Variants in CFAP46 observed in about 807,000 individuals in gnomAD.
CFAP46 encodes the protein cilia- and flagella-associated protein 46.
Under a neutral mutation model 325.7 loss-of-function variants are expected in CFAP46, and 245 were observed. The ratio of observed to expected loss-of-function variants is 0.75; its 90% CI spans 0.68 to 0.84. CFAP46 has a LOEUF of 0.84. Among genes scored for constraint, CFAP46 ranks in the 40% least tolerant of loss-of-function variants. The pLI is 0.00. For missense variants in CFAP46, 3,346 were observed against 3,543.0 expected, an observed-to-expected ratio of 0.94 and a Z score of 1.41; for synonymous variants, 1,523 against 1,495.9, an observed-to-expected ratio of 1.02 and a Z score of -0.42.
chr10:132,843,119 G>A (rs149272811), intron 44 of CFAP46, among the ~76,000 whole-genome samples: 3 of 152,308 alleles, frequency 2.0e-5, no homozygotes, highest in East Asian at 1.9e-4. Flanking sequence ...ACCTTGGGCT[G>A]CATTCACTTT....
At chr10:132,821,286 A>C (rs62647716) in intron 50 of CFAP46, among the ~76,000 whole-genome samples, 57 of 92,400 alleles carry the variant, frequency 6.2e-4, no homozygotes, top group African/African-American at 2.5e-3. Context: ...GTGAGTGCTG[A>C]TGTGTGCTGT....
intron 9 of CFAP46, 117 bp downstream of exon 9, chr10:132,929,588 G>A (rs374862506): frequency 3.9e-5 from 38 of 963,486 alleles, no homozygotes; most frequent in African/African-American, 1.1e-4. Flanking sequence ...TGCCAACCAC[G>A]GACCGAAGCC....
In CFAP46 at chr10:132,908,584, C is replaced by A. The variant is rs1484923183; in HGVS notation, c.2808G>T (p.Leu936=). 6.5e-7 allele frequency: 1 copy of A among 1,549,910 alleles called. No homozygotes were observed. The highest frequency in any genetic ancestry group is 8.7e-7 in the Non-Finnish European group (1 of 1,146,654). The change falls in exon 22 of 58, where the codon CTG becomes CTT. Residue 936 remains leucine, a synonymous_variant. Transcript: ENST00000368586. ...AGTGGGTCAGCCGCGTCAGGGTCTGCAGCTCCACCAGGGGGTCCGACCAGT... is the reference window on the plus strand; with the variant it reads ...AGTGGGTCAGCCGCGTCAGGGTCTGAAGCTCCACCAGGGGGTCCGACCAGT... The part of the protein sequence containing the change: ...ECNWSDPLVE[L]QTLTRLTHFA...
chr10:132,825,580 A>C lies in CFAP46; in HGVS notation c.7117+7778T>G, dbSNP rs188947375. 6.6e-5 allele frequency among the ~76,000 whole-genome samples: 10 copies of C among 152,368 alleles called. No individual in the cohort carries two copies. In the East Asian group the frequency reaches 1.9e-3, roughly 29 times the overall value. The stretch of plus-strand genomic sequence containing the variant: ...GTCACACCTCAACAAAGTGGCTTAG[A>C]AAACATGCTAAAAGCACCAGCTATT... On this transcript the variant is annotated intron_variant, in intron 50 of 57. Transcript: ENST00000368586.
At chr10:132,848,619 GC>G (rs1225205780) in intron 41 of CFAP46, among the ~76,000 whole-genome samples, 3 of 152,222 alleles carry the variant, frequency 2.0e-5, no homozygotes, top group African/African-American at 7.2e-5. Context: ...TGCGCTTTGT[GC>G]TCCCTAAAGA....
chr10:132,884,997 T>C lies in CFAP46; in HGVS notation c.3627+106A>G. The C allele has an allele frequency of 8.1e-7, 1 of 1,234,550 alleles. No homozygotes were observed. The highest frequency in any genetic ancestry group is 2.6e-5 in the East Asian group (1 of 38,602). 76.5% of individuals were successfully genotyped at this position (1,234,550 alleles called of 1,614,324 possible). ...CTGTGCCCGTCAGCTGTGGCTGCTC[T>C]GCGTGCTGCCCCACACCAGGTCCCT... On this transcript the variant is annotated intron_variant, in intron 27 of 57. Transcript: ENST00000368586. The surrounding 1 kb of genome is among the most constrained non-coding windows in gnomAD (Gnocchi z 5.4).
chr10:132,815,522 G>C (rs150942076), intron 50 of CFAP46, among the ~76,000 whole-genome samples: 1 of 152,234 alleles, frequency 6.6e-6, no homozygotes, highest in Non-Finnish European at 1.5e-5. Flanking sequence ...GGGGCATTGC[G>C]TTTGGTTCCT....
rs1463795846 is a variant in CFAP46 at position 132,937,573 on chromosome 10, G to GT, written c.638dup (p.Tyr213Ter). 1 of 1,613,564 alleles carries GT rather than the reference G, an allele frequency of 6.2e-7. No individual in the cohort carries two copies. The highest frequency in any genetic ancestry group is 1.1e-5 in the South Asian group (1 of 91,064). ...PFIKSHVPQK[Y>*]RQIFSVMVRH... ...TTACCATAACAGAGAATATCTGCCGGTATTTCTGTGGCACGTGAGACTTAA... is the reference window on the plus strand; with the variant it reads ...TTACCATAACAGAGAATATCTGCCGGTTATTTCTGTGGCACGTGAGACTTAA... The change falls in exon 6 of 58, where the codon TAC (tyrosine) becomes TAAC (stop). Residue 213 changes from tyrosine to a stop codon, truncating the protein, a stop_gained and frameshift_variant. Coordinates refer to ENST00000368586, the MANE Select transcript of CFAP46 (RefSeq NM_001200049.3). LOFTEE classifies it high-confidence loss of function.
chr10:132,905,196 AT>A (rs1397311259), intron 22 of CFAP46, among the ~76,000 whole-genome samples: 1 of 152,234 alleles, frequency 6.6e-6, no homozygotes, highest in East Asian at 1.9e-4. Flanking sequence ...AAAGTGGAAT[AT>A]CAGTGAACAC....
Position 132,937,013 on chromosome 10 carries a change from T to C in CFAP46, c.703A>G (p.Lys235Glu), listed in dbSNP as rs749232351. Reference sequence around the variant, plus strand: ...ACTGACAGGCTAATGGAATTTTTCTTTTCTTCCTTTAACTGAAGTTCGTCC... The same window carrying C: ...ACTGACAGGCTAATGGAATTTTTCTCTTCTTCCTTTAACTGAAGTTCGTCC... ...LMDELQLKEE[K>E]KNSISLSVTF... is the part of the protein sequence containing the mutation. The change falls in exon 7 of 58, where the codon AAG becomes GAG. Residue 235 changes from lysine (K) to glutamate (E), a missense_variant. Physicochemically the swap from Lys to Glu is moderately conservative, Grantham distance 56. Transcript: ENST00000368586. 6.5e-7 allele frequency: 1 copy of C among 1,538,452 alleles called. No individual in the cohort carries two copies. Among genetic ancestry groups the C allele is most frequent in the Non-Finnish European group, 8.8e-7 (1 of 1,132,390 alleles).
At chr10:132,880,039 G>C (rs1306278090) in intron 28 of CFAP46, among the ~76,000 whole-genome samples, 1 of 152,182 alleles carries the variant, frequency 6.6e-6, no homozygotes, top group African/African-American at 2.4e-5. Flanking sequence ...CGGCCACAGG[G>C]AGGGTGGCCC....
intron 44 of CFAP46, among the ~76,000 whole-genome samples, chr10:132,841,999 CT>C (rs1204609498): frequency 2.0e-5 from 3 of 152,240 alleles, no homozygotes; most frequent in African/African-American, 7.2e-5. Flanking sequence ...TCTGTGCTGA[CT>C]TTTGGTGAAC....
At chr10:132,887,669 CTCT>C (rs1849175660) in intron 25 of CFAP46, among the ~76,000 whole-genome samples, 11 of 41,300 alleles carry the variant, frequency 2.7e-4, no homozygotes, top group Non-Finnish European at 5.9e-4. Context: ...CCTCTTTCAC[CTCT>C]CTCTCTCCTC....
rs535429222 is a variant in CFAP46, at chr10:132,886,840, G to A, written c.3305-881C>T. 1.4e-3 allele frequency among the ~76,000 whole-genome samples: 206 copies of A among 151,868 alleles called. 1 individual carries two copies. The South Asian group carries it at 0.021, about 15-fold the overall frequency. On this transcript the variant is annotated intron_variant, in intron 25 of 57. Transcript: ENST00000368586. This position sits in a 1 kb window ranked among gnomAD's most constrained non-coding sequence, Gnocchi z 5.8. ...GGGTCTGTGCCTTGTTGCTGCCCCC[G>A]ACCCAACACAGCCATGGCGACTAGA...
chr10:132,918,283 C>T (rs1849668118), intron 16 of CFAP46, 110 bp downstream of exon 16: 1 of 381,276 alleles, frequency 2.6e-6, no homozygotes, highest in East Asian at 5.5e-5. Flanking sequence ...CTCTCCACGA[C>T]GCACCTCAGC....
chr10:132,824,811 A>G (rs1848004462), intron 50 of CFAP46, among the ~76,000 whole-genome samples: 1 of 111,740 alleles, frequency 8.9e-6, no homozygotes, highest in African/African-American at 3.7e-5. Context: ...CTGTGCGCTG[A>G]TGTGTGCTGT....
chr10:132,833,358 C>T lies in CFAP46; in HGVS notation c.7117G>A (p.Glu2373Lys). 6.2e-7 allele frequency: 1 copy of T among 1,613,156 alleles called. No individual in the cohort carries two copies. Among genetic ancestry groups the T allele is most frequent in the Non-Finnish European group, 8.5e-7 (1 of 1,179,360 alleles). ...TAAGGTGGCTGAGGGCAGTTCCTAC[C>T]TGTCTCTTCTTTATGGAGGCGATTC... ...LWNRLHKEETEGGVKKEGRSR... is the reference protein window; with the variant it reads ...LWNRLHKEETKGGVKKEGRSR... The change falls in exon 50 of 58, where the codon GAA becomes AAA. Residue 2373 changes from glutamate to lysine, a missense_variant and splice_region_variant. Glu to Lys is a moderately conservative substitution (Grantham distance 56, BLOSUM62 1). Transcript: ENST00000368586.
In CFAP46 at chr10:132,885,825, G is replaced by A. The variant is rs781779542; in HGVS notation, c.3439C>T (p.Arg1147Cys). The A allele has an allele frequency of 3.9e-5, 60 of 1,529,696 alleles. No individual in the cohort carries two copies. Among genetic ancestry groups the A allele is most frequent in the Middle Eastern group, 1.8e-4 (1 of 5,418 alleles). 94.8% of individuals were successfully genotyped at this position (1,529,696 alleles called of 1,614,324 possible). ...GGCGGTGGGGGGAGCACTCACAGGC[G>A]GTGGGCCGTCCTTGGCAGCACCTGC... ...AVQVLPRTAH[R>C]LLIFKHMVIV... The change falls in exon 26 of 58, where the codon CGC (arginine) becomes TGC (cysteine). Residue 1147 changes from arginine (R) to cysteine (C), a missense_variant. Arg to Cys is a radical substitution (Grantham distance 180). Coordinates refer to ENST00000368586, the MANE Select transcript of CFAP46 (RefSeq NM_001200049.3).
intron 55 of CFAP46, 30 bp from the exon 56 acceptor site, chr10:132,811,061 C>T (rs2134746506): frequency 1.3e-6 from 2 of 1,552,426 alleles, no homozygotes; most frequent in East Asian, 2.4e-5. Context: ...AGCTCAGCAG[C>T]CTTGGCCTGA....
Sources: gnomAD v4.1 joint callset for allele counts (sites outside exome capture counted in the v4.1 genomes callset) on GRCh38, gnomAD v4.1.1 for gene constraint, Gnocchi (gnomAD v3.1) non-coding constraint, MANE v1.5 for transcripts, NCBI Gene and HGNC (gene_info 2026-07-23, HGNC 2026-07-21) for gene names.